Variants in NSMCE2 observed in about 807,000 individuals in gnomAD.
NSMCE2 encodes E3 SUMO-protein ligase NSE2.
Under a neutral mutation model 23.8 loss-of-function variants are expected in NSMCE2, and 24 were observed. The ratio of observed to expected loss-of-function variants is 1.01; its 90% confidence interval spans 0.73 to 1.42. The LOEUF (loss-of-function observed/expected upper bound fraction) is 1.42. NSMCE2 is among the 40% of genes most tolerant of loss of function. The pLI, the probability that NSMCE2 is intolerant of heterozygous loss-of-function variation, is 0.00. For synonymous variants in NSMCE2, 92 were observed against 94.1 expected (o/e 0.98, Z 0.13); for missense variants, 284 against 296.5 (o/e 0.96, Z 0.31).
rs559818201 is a variant in NSMCE2, at chr8:125,199,719, C to G, written c.418+17463C>G. On this transcript the variant is annotated intron_variant, in intron 5 of 7. Transcript: ENST00000287437. ...GCTTGGTGCAGAGCTGAGTTCAAGT[C>G]CTGGATATCCTTGTTAACCTTCTGT... 5.3e-5 allele frequency among the ~76,000 whole-genome samples: 8 copies of G among 152,256 alleles called. No homozygotes were observed. The South Asian group carries it at 1.5e-3, about 28-fold the overall frequency.
intron 5 of NSMCE2, among the ~76,000 whole-genome samples, chr8:125,317,534 A>G (rs895085333): frequency 6.6e-6 from 1 of 151,964 alleles, no homozygotes; most frequent in Non-Finnish European, 1.5e-5. Flanking sequence ...TCCCTCCTCC[A>G]TGCTTTGAAA....
chr8:125,173,795 G>A (rs1822340477), intron 4 of NSMCE2, among the ~76,000 whole-genome samples: 1 of 152,144 alleles, frequency 6.6e-6, no homozygotes, highest in Non-Finnish European at 1.5e-5. Context: ...TTACTTGGAG[G>A]CACAAGCAAA....
intron 5 of NSMCE2, among the ~76,000 whole-genome samples, chr8:125,337,593 C>G (rs1419209415): frequency 6.6e-6 from 1 of 152,118 alleles, no homozygotes; most frequent in Non-Finnish European, 1.5e-5. Context: ...TGTATGTTGA[C>G]TCTAGAAAAC....
intron 5 of NSMCE2, among the ~76,000 whole-genome samples, chr8:125,349,312 G>A (rs1812930242): frequency 6.6e-6 from 1 of 152,190 alleles, no homozygotes; most frequent in South Asian, 2.1e-4. Context: ...CACCAGCTCA[G>A]CCTTTCCAAA....
rs1826640155 is a variant in NSMCE2 at position 125,260,462 on chromosome 8, C to G, written c.418+78206C>G. On this transcript the variant is annotated intron_variant, in intron 5 of 7. Transcript: ENST00000287437. ...TACTTTCGTGTGTGGTAGTTGCTTT[C>G]CCCACTAGATCTGGGTTCTAGCCCT... Among the ~76,000 whole-genome samples the G allele has an allele frequency of 2.0e-5, 3 of 151,140 alleles. No homozygotes were observed. In the Admixed American group the frequency reaches 2.0e-4, roughly 10 times the overall value.
At chr8:125,280,744 C>T (rs1827657728) in intron 5 of NSMCE2, among the ~76,000 whole-genome samples, 1 of 152,116 alleles carries the variant, frequency 6.6e-6, no homozygotes, top group South Asian at 2.1e-4. Context: ...CTTTAAATGT[C>T]TATAGATTCT....
At chr8:125,260,539 G>A (rs1049987650) in intron 5 of NSMCE2, among the ~76,000 whole-genome samples, 3 of 148,936 alleles carry the variant, frequency 2.0e-5, no homozygotes, top group Non-Finnish European at 3.0e-5. Context: ...TTTCCTTCTC[G>A]GGGCCTGAGT....
At chr8:125,127,320 T>A (rs997840606) in intron 3 of NSMCE2, among the ~76,000 whole-genome samples, 2 of 152,032 alleles carry the variant, frequency 1.3e-5, no homozygotes, top group African/African-American at 4.8e-5. Flanking sequence ...TGTGCTGAGG[T>A]TGGGGGAGTA....
At chr8:125,189,398 G>A (rs753030110) in intron 5 of NSMCE2, among the ~76,000 whole-genome samples, 7 of 152,340 alleles carry the variant, frequency 4.6e-5, no homozygotes, top group Middle Eastern at 3.4e-3. Context: ...GTGCAACGAA[G>A]AACAAAGAAG....
At chr8:125,167,548 T>C (rs550986285) in intron 4 of NSMCE2, among the ~76,000 whole-genome samples, 6 of 151,914 alleles carry the variant, frequency 3.9e-5, no homozygotes, top group South Asian at 2.1e-4. Flanking sequence ...GGCACGAGAA[T>C]CACTTGAACC....
chr8:125,135,025 A>G (rs1032133072), intron 3 of NSMCE2, among the ~76,000 whole-genome samples: 1 of 152,152 alleles, frequency 6.6e-6, no homozygotes, highest in Admixed American at 6.5e-5. Flanking sequence ...CTCCCACCTC[A>G]GCCTCCTGAG....
intron 5 of NSMCE2, among the ~76,000 whole-genome samples, chr8:125,311,486 C>G (rs1210492306): frequency 6.6e-6 from 1 of 152,208 alleles, no homozygotes; most frequent in Non-Finnish European, 1.5e-5. Flanking sequence ...ACTAGAAGTT[C>G]TTGATAAAAT....
chr8:125,117,853 C>T (rs1040465832), intron 3 of NSMCE2, among the ~76,000 whole-genome samples: 14 of 152,092 alleles, frequency 9.2e-5, no homozygotes, highest in Non-Finnish European at 1.5e-4. Flanking sequence ...TATATAAATG[C>T]GTTAGTAACT....
At chr8:125,288,176 T>C (rs554581375) in intron 5 of NSMCE2, among the ~76,000 whole-genome samples, 1 of 152,278 alleles carries the variant, frequency 6.6e-6, no homozygotes, top group South Asian at 2.1e-4. Context: ...TACTGACTTT[T>C]CTTTTGTCAT....
At chr8:125,188,211 C>T (rs1000982761) in intron 5 of NSMCE2, among the ~76,000 whole-genome samples, 2 of 152,172 alleles carry the variant, frequency 1.3e-5, no homozygotes, top group African/African-American at 2.4e-5. Context: ...AACACCTTCG[C>T]TTTACTATTT....
At chr8:125,227,856 G>T (rs1172761298) in intron 5 of NSMCE2, among the ~76,000 whole-genome samples, 3 of 152,112 alleles carry the variant, frequency 2.0e-5, no homozygotes, top group African/African-American at 7.2e-5. Context: ...GCAAAACTGA[G>T]ATCAGTTTAG....
chr8:125,230,797 G>A (rs1380324438), intron 5 of NSMCE2, among the ~76,000 whole-genome samples: 1 of 152,164 alleles, frequency 6.6e-6, no homozygotes, highest in Admixed American at 6.5e-5. Flanking sequence ...TCCTAATGGA[G>A]GAAATGGCAA....
At chr8:125,214,651 C>A (rs1300953087) in intron 5 of NSMCE2, among the ~76,000 whole-genome samples, 1 of 152,144 alleles carries the variant, frequency 6.6e-6, no homozygotes, top group African/African-American at 2.4e-5. Flanking sequence ...CCTTCTCCCC[C>A]AATCCCCTAC....
At chr8:125,307,439 C>G (rs1828809823) in intron 5 of NSMCE2, among the ~76,000 whole-genome samples, 1 of 152,218 alleles carries the variant, frequency 6.6e-6, no homozygotes, top group Non-Finnish European at 1.5e-5. Context: ...CGTGGCTGAA[C>G]TTTTCCATCA....
Sources: gnomAD v4.1 joint callset for allele counts (sites outside exome capture counted in the v4.1 genomes callset) on GRCh38, gnomAD v4.1.1 for gene constraint, MANE v1.5 for transcripts, NCBI Gene and HGNC (gene_info 2026-07-23, HGNC 2026-07-21) for gene names.